Variants in CDC42BPB observed in about 807,000 individuals in gnomAD.
CDC42BPB encodes the protein serine/threonine-protein kinase MRCK beta.
A neutral mutation model predicts 214.9 loss-of-function variants in CDC42BPB; 37 were observed. The ratio of observed to expected loss-of-function variants is 0.17; its 90% CI spans 0.13 to 0.23. CDC42BPB has a LOEUF of 0.23. Among genes scored for constraint, CDC42BPB ranks in the 10% least tolerant of loss-of-function variants. The pLI, the probability that CDC42BPB is intolerant of heterozygous loss-of-function variation, is 1.00. For synonymous variants in CDC42BPB, 931 were observed against 884.0 expected, an observed-to-expected ratio of 1.05 and a Z score of -0.94; for missense variants, 1,694 against 2,227.0, an observed-to-expected ratio of 0.76 and a Z score of 4.82.
At position 102,986,555 on chromosome 14, in the gene CDC42BPB, A is replaced by G; in HGVS notation, c.622T>C (p.Leu208=). Residue 208 remains leucine (L), a synonymous_variant, in exon 6 of 37, where the codon TTG becomes CTG. Transcript: ENST00000361246. The part of the protein sequence containing the change: ...HRDIKPDNVL[L]DVNGHIRLAD... ...AGGCGGATATGACCATTCACGTCCAAAAGGACATTGTCAGGTTTAATGTCT... is the reference window on the plus strand; with the variant it reads ...AGGCGGATATGACCATTCACGTCCAGAAGGACATTGTCAGGTTTAATGTCT... The G allele has an allele frequency of 1.2e-6, 2 of 1,613,988 alleles. No homozygotes were observed. Among genetic ancestry groups the G allele is most frequent in the Non-Finnish European group, 1.7e-6 (2 of 1,179,916 alleles).
chr14:103,023,230 C>G (rs538664509), intron 1 of CDC42BPB, among the ~76,000 whole-genome samples: 1 of 150,482 alleles, frequency 6.6e-6, no homozygotes, highest in Non-Finnish European at 1.5e-5. Context: ...TGCACTGGCG[C>G]GATCTCGGCT....
At chr14:103,053,867 G>T (rs966536372) in intron 1 of CDC42BPB, among the ~76,000 whole-genome samples, 1 of 151,622 alleles carries the variant, frequency 6.6e-6, no homozygotes, top group African/African-American at 2.4e-5. Flanking sequence ...TTGAGACAGG[G>T]TCTCACTCTG....
At chr14:102,975,579 G>T in intron 11 of CDC42BPB, 105 bp downstream of exon 11, 1 of 1,220,016 alleles carries the variant, frequency 8.2e-7, no homozygotes, top group Non-Finnish European at 1.2e-6. Flanking sequence ...TAAAGCCTAA[G>T]CTTTTTTTCT....
intron 1 of CDC42BPB, among the ~76,000 whole-genome samples, chr14:103,055,111 G>C (rs964131033): frequency 6.6e-6 from 1 of 152,272 alleles, no homozygotes; most frequent in African/African-American, 2.4e-5. Context: ...TGGGTTTCAA[G>C]ATCGAGTGAT....
intron 3 of CDC42BPB, among the ~76,000 whole-genome samples, chr14:103,005,093 A>G (rs946461344): frequency 4.6e-5 from 7 of 151,670 alleles, no homozygotes; most frequent in Non-Finnish European, 1.0e-4. Context: ...GCATGAACCC[A>G]GGAGGCGGAG....
chr14:102,940,170 G>A lies in CDC42BPB; in HGVS notation c.4507-40C>T, dbSNP rs367764204. The A allele has an allele frequency of 9.3e-5, 150 of 1,613,438 alleles. No individual in the cohort carries two copies. In the African/African-American group the frequency reaches 1.6e-3, roughly 17 times the overall value. On this transcript the variant is annotated intron_variant, in intron 31 of 36. Coordinates refer to ENST00000361246, the MANE Select transcript of CDC42BPB (RefSeq NM_006035.4). Reference sequence around the variant, plus strand: ...AGGGAGGGACAGTAAGCGCGGCCACGCACAGACTGCACCGGGAGAAGCCCG... The same window carrying A: ...AGGGAGGGACAGTAAGCGCGGCCACACACAGACTGCACCGGGAGAAGCCCG...
chr14:103,002,929 G>A (rs1349236942), intron 4 of CDC42BPB, among the ~76,000 whole-genome samples: 2 of 152,124 alleles, frequency 1.3e-5, no homozygotes, highest in East Asian at 3.9e-4. Context: ...TCAAATCTCA[G>A]GGCTTTCTCT....
chr14:102,997,118 T>TAA (rs1205894846), intron 5 of CDC42BPB, among the ~76,000 whole-genome samples: 6 of 152,148 alleles, frequency 3.9e-5, no homozygotes, highest in Non-Finnish European at 8.8e-5. Flanking sequence ...GGGCTGTGTC[T>TAA]GCTTGGGAAA....
Position 102,981,272 on chromosome 14 carries a change from G to T in CDC42BPB, c.892-251C>A, listed in dbSNP as rs34474014. ...TAAATGACACATTTTACCTATGGAA[G>T]TGGCAAGGAATGTGGGAAACATGCC... On this transcript the variant is annotated intron_variant, in intron 7 of 36. Transcript: ENST00000361246. 1,800 of 827,372 alleles carry T rather than the reference G, an allele frequency of 2.2e-3. 31 individuals are homozygous for T. In the African/African-American group the frequency reaches 0.031, roughly 14 times the overall value. 51.3% of individuals were successfully genotyped at this position (827,372 alleles called of 1,614,324 possible). A position where few individuals can be genotyped will look rare whatever the true frequency, so the allele number is the denominator to read the frequency against.
chr14:102,947,933 G>A (rs1248742570), intron 26 of CDC42BPB, 131 bp from the exon 27 acceptor site: 26 of 1,518,974 alleles, frequency 1.7e-5, no homozygotes, highest in Admixed American at 4.2e-5. Context: ...CGGGTCCCTC[G>A]CCTCCCCAGA....
chr14:102,937,494 G>A (rs900635998), intron 36 of CDC42BPB, among the ~76,000 whole-genome samples: 20 of 152,190 alleles, frequency 1.3e-4, no homozygotes, highest in Non-Finnish European at 2.2e-4. Flanking sequence ...TGGCCCCTCC[G>A]CCTGCATCCC....
chr14:103,011,731 A>G (rs1420021906), intron 2 of CDC42BPB, among the ~76,000 whole-genome samples: 2 of 152,198 alleles, frequency 1.3e-5, no homozygotes, highest in Admixed American at 1.3e-4. Flanking sequence ...GTGACAGTGC[A>G]AGACGTCCAT....
At chr14:102,967,303 T>C in intron 16 of CDC42BPB, 133 bp from the exon 17 acceptor site, 5 of 1,416,622 alleles carry the variant, frequency 3.5e-6, no homozygotes, top group Non-Finnish European at 4.6e-6. Flanking sequence ...CAAACTAAGT[T>C]CATGATATGG....
chr14:102,974,199 T>A, intron 11 of CDC42BPB, 50 bp from the exon 12 acceptor site: 8 of 1,592,844 alleles, frequency 5.0e-6, no homozygotes, highest in Non-Finnish European at 6.0e-6. Flanking sequence ...AATGACTATA[T>A]GTAAACTTTA....
Position 102,975,673 on chromosome 14 carries a change from T to TAA in CDC42BPB, c.1507+9_1507+10dup. 6.2e-7 allele frequency: 1 copy of TAA among 1,613,542 alleles called. No individual in the cohort carries two copies. The highest frequency in any genetic ancestry group is 8.5e-7 in the Non-Finnish European group (1 of 1,179,624). ...AATAGAGACTAAGAAGTCACACTTT[T>TAA]AAACACATACCTGCTATTTTATTCT... On this transcript the variant is annotated intron_variant, in intron 11 of 36. Coordinates refer to ENST00000361246, the MANE Select transcript of CDC42BPB (RefSeq NM_006035.4).
In CDC42BPB at chr14:102,977,527, G is replaced by A. The variant is rs141523063; in HGVS notation, c.1220+599C>T. 2.6e-4 allele frequency among the ~76,000 whole-genome samples: 39 copies of A among 152,034 alleles called. 1 individual carries two copies. Among genetic ancestry groups the A allele is most frequent in the African/African-American group, 7.7e-4 (32 of 41,456 alleles). ...TTGGCCCCAGTTTCCTTTTAAAATCGAGGTGGACCATCTCAGGCGACACAA... is the reference window on the plus strand; with the variant it reads ...TTGGCCCCAGTTTCCTTTTAAAATCAAGGTGGACCATCTCAGGCGACACAA... On this transcript the variant is annotated intron_variant, in intron 9 of 36. Coordinates refer to ENST00000361246, the MANE Select transcript of CDC42BPB (RefSeq NM_006035.4).
At chr14:103,036,278 G>A (rs6575941) in intron 1 of CDC42BPB, among the ~76,000 whole-genome samples, 36,188 of 150,082 alleles carry the variant, frequency 0.24, 5,326 homozygotes, top group East Asian at 0.47. Context: ...TCAGCCTCCC[G>A]AGTAGCTGGG....
intron 1 of CDC42BPB, among the ~76,000 whole-genome samples, chr14:103,031,758 G>A (rs772134582): frequency 4.6e-5 from 7 of 152,092 alleles, no homozygotes; most frequent in South Asian, 2.1e-4. Context: ...TGCCCAACCC[G>A]TCTGGCTTCT....
At chr14:103,010,575 T>C (rs1595141669) in intron 2 of CDC42BPB, among the ~76,000 whole-genome samples, 1 of 152,204 alleles carries the variant, frequency 6.6e-6, no homozygotes, top group Non-Finnish European at 1.5e-5. Flanking sequence ...TTTGTAGTGG[T>C]GTCCAGTAGG....
Sources: gnomAD v4.1 joint callset for allele counts (sites outside exome capture counted in the v4.1 genomes callset) on GRCh38, gnomAD v4.1.1 for gene constraint, MANE v1.5 for transcripts, NCBI Gene and HGNC (gene_info 2026-07-23, HGNC 2026-07-21) for gene names.